Variants in SLC27A1 observed in about 807,000 individuals in gnomAD.
SLC27A1 encodes the protein solute carrier family 27 member 1.
Under a neutral mutation model 62.2 loss-of-function variants are expected in SLC27A1, and 61 were observed. That is an observed-to-expected ratio of 0.98 (90% CI 0.80 to 1.21). The LOEUF is 1.21. SLC27A1 is among the 50% of genes most tolerant of loss of function. SLC27A1 has a pLI of 0.00. For synonymous variants in SLC27A1, 435 were observed against 408.6 expected, an observed-to-expected ratio of 1.06 and a Z score of -0.78; for missense variants, 903 against 932.1, an observed-to-expected ratio of 0.97 and a Z score of 0.41.
chr19:17,483,621 C>T (rs1041728736), intron 1 of SLC27A1, among the ~76,000 whole-genome samples: 2 of 152,052 alleles, frequency 1.3e-5, no homozygotes, highest in Admixed American at 6.6e-5. Context: ...TGCGGATGCT[C>T]TCCCCCAACA....
intron 1 of SLC27A1, 60 bp downstream of exon 1, chr19:17,470,767 C>T: frequency 3.3e-6 from 4 of 1,208,246 alleles, no homozygotes; most frequent in Non-Finnish European, 3.1e-6. Context: ...TGGGGGCGCA[C>T]GGTGCAGGGC....
chr19:17,487,304 C>T lies in SLC27A1; in HGVS notation c.693C>T (p.Pro231=). The change falls in exon 3 of 12, where the codon CCC becomes CCT. Residue 231 remains proline (P), a synonymous_variant. Transcript: ENST00000252595. Reference sequence around the variant, plus strand: ...TGCTGAAGGAGGCCTCTACTGCCCCCTTGGCACAGATCCCCAGCAAGGGCA... The same window carrying T: ...TGCTGAAGGAGGCCTCTACTGCCCCTTTGGCACAGATCCCCAGCAAGGGCA... ...DPLLKEASTA[P]LAQIPSKGMD... 1 of 1,612,888 alleles carries T rather than the reference C, an allele frequency of 6.2e-7. No homozygotes were observed. The highest frequency in any genetic ancestry group is 8.5e-7 in the Non-Finnish European group (1 of 1,179,580).
chr19:17,504,729 G>A lies in SLC27A1; in HGVS notation c.*117G>A. 2 of 1,349,782 alleles carry A rather than the reference G, an allele frequency of 1.5e-6. No homozygotes were observed. The highest frequency in any genetic ancestry group is 2.1e-6 in the Non-Finnish European group (2 of 969,510). 83.6% of individuals were successfully genotyped at this position (1,349,782 alleles called of 1,614,324 possible). The stretch of plus-strand genomic sequence containing the variant: ...CACCCACCTGGCCGAGCTGTACCTG[G>A]CACGGCCCATCCTGGACTGAGAAAC... On this transcript the variant is annotated 3_prime_UTR_variant, in exon 12 of 12. Transcript: ENST00000252595.
rs1277141635 is a variant in SLC27A1 at position 17,500,270 on chromosome 19, C to T, written c.1207-8C>T. 6.2e-7 allele frequency: 1 copy of T among 1,613,144 alleles called. No individual in the cohort carries two copies. Among genetic ancestry groups the T allele is most frequent in the Non-Finnish European group, 8.5e-7 (1 of 1,179,550 alleles). ...CGGCTCCTTCCAACTCAGTTCACCC[C>T]ATTCCAGGTCGGCTCCTGTGGTTTC... On this transcript the variant is annotated splice_polypyrimidine_tract_variant and splice_region_variant and intron_variant, in intron 7 of 11. Coordinates refer to ENST00000252595, the MANE Select transcript of SLC27A1 (RefSeq NM_198580.3).
intron 6 of SLC27A1, 136 bp from the exon 7 acceptor site, chr19:17,497,119 G>T: frequency 1.6e-6 from 1 of 622,962 alleles, no homozygotes; most frequent in Non-Finnish European, 2.7e-6. Flanking sequence ...GGACGATTCT[G>T]CAGCCATCAT....
At chr19:17,493,327 C>T (rs2075314403) in intron 6 of SLC27A1, among the ~76,000 whole-genome samples, 1 of 143,010 alleles carries the variant, frequency 7.0e-6, no homozygotes, top group Non-Finnish European at 1.5e-5. Flanking sequence ...ACCCGGGAGG[C>T]TGAGGCAGGA....
At chr19:17,474,838 C>T (rs1003635565) in intron 1 of SLC27A1, among the ~76,000 whole-genome samples, 1 of 151,884 alleles carries the variant, frequency 6.6e-6, no homozygotes, top group Non-Finnish European at 1.5e-5. Context: ...CCATGTTGGC[C>T]AGGCTGGTCT....
chr19:17,472,758 A>G (rs1291666660), intron 1 of SLC27A1, among the ~76,000 whole-genome samples: 1 of 151,998 alleles, frequency 6.6e-6, no homozygotes, highest in African/African-American at 2.4e-5. Flanking sequence ...AACTCCTGAC[A>G]TCACGTAGTC....
chr19:17,489,021 C>T lies in SLC27A1; in HGVS notation c.900C>T (p.Gly300=), dbSNP rs2075267344. Residue 300 remains glycine (G), a synonymous_variant, in exon 6 of 12, where the codon GGC becomes GGT. Transcript: ENST00000252595. ...CACCCTCTGCAGGAAACATCATCGGCGTGGGGCAGTGTCTCATCTATGGGC... is the reference window on the plus strand; with the variant it reads ...CACCCTCTGCAGGAAACATCATCGGTGTGGGGCAGTGTCTCATCTATGGGC... The part of the protein sequence containing the change: ...PLYHSAGNII[G]VGQCLIYGLT... The T allele has an allele frequency of 1.2e-6, 2 of 1,614,118 alleles. No individual in the cohort carries two copies. Among genetic ancestry groups the T allele is most frequent in the Non-Finnish European group, 8.5e-7 (1 of 1,180,004 alleles).
chr19:17,501,432 C>T lies in SLC27A1; in HGVS notation c.1783+13C>T, dbSNP rs1173167516. ...GTGGACACCACAGGTGCGAGTCTCC[C>T]CCACTCCAATCTCTCTCTTCATCCA... On this transcript the variant is annotated intron_variant, in intron 11 of 11. Transcript: ENST00000252595. 1 of 1,608,026 alleles carries T rather than the reference C, an allele frequency of 6.2e-7. No homozygotes were observed. Among genetic ancestry groups the T allele is most frequent in the Non-Finnish European group, 8.5e-7 (1 of 1,177,138 alleles).
intron 11 of SLC27A1, among the ~76,000 whole-genome samples, chr19:17,501,782 G>A (rs531437047): frequency 4.8e-4 from 56 of 116,094 alleles, no homozygotes; most frequent in African/African-American, 1.8e-3. Context: ...CAGCCTGGGC[G>A]ATAGAGTGAT....
intron 1 of SLC27A1, among the ~76,000 whole-genome samples, chr19:17,479,036 G>A (rs113491555): frequency 1.1e-4 from 17 of 152,174 alleles, no homozygotes; most frequent in East Asian, 9.6e-4. Context: ...GTTTGAGGCC[G>A]TAGTGAGTTA....
chr19:17,493,345 T>G (rs1450849648), intron 6 of SLC27A1, among the ~76,000 whole-genome samples: 3 of 138,430 alleles, frequency 2.2e-5, no homozygotes, highest in Non-Finnish European at 4.7e-5. Context: ...GGAGAATCGT[T>G]TGAACCCGGG....
Position 17,504,912 on chromosome 19 carries a change from AG to A in SLC27A1, c.*301del. 1.9e-6 allele frequency: 1 copy of A among 529,330 alleles called. No individual in the cohort carries two copies. Among genetic ancestry groups the A allele is most frequent in the Non-Finnish European group, 3.6e-6 (1 of 276,016 alleles). 32.8% of individuals were successfully genotyped at this position (529,330 alleles called of 1,614,324 possible). A position where few individuals can be genotyped will look rare whatever the true frequency, so the allele number is the denominator to read the frequency against. ...TCTTTCTTTCTTTCTTTTTTTTTTA[AG>A]ATAGAGTCTCACTCTGCTGCCCGGG... On this transcript the variant is annotated 3_prime_UTR_variant, in exon 12 of 12. Transcript: ENST00000252595.
rs186235023 is a variant in SLC27A1, at chr19:17,502,684, T to G, written c.1783+1265T>G. ...GTATCTTTTCTTTTTCTTTTGTTTTTTTTGTTTGTTTGTTTGTTTGAGACA... is the reference window on the plus strand; with the variant it reads ...GTATCTTTTCTTTTTCTTTTGTTTTGTTTGTTTGTTTGTTTGTTTGAGACA... On this transcript the variant is annotated intron_variant, in intron 11 of 11. Transcript: ENST00000252595. 2.0e-4 allele frequency among the ~76,000 whole-genome samples: 31 copies of G among 151,894 alleles called. 1 individual carries two copies. In the East Asian group the frequency reaches 2.5e-3, roughly 12 times the overall value.
At chr19:17,485,498 CTTGTTTGTTTGTTTGT>C (rs148197572) in intron 1 of SLC27A1, among the ~76,000 whole-genome samples, 4 of 149,786 alleles carry the variant, frequency 2.7e-5, no homozygotes, top group East Asian at 2.0e-4. Context: ...TAAAGCATTT[CTTGTTTGTTTGTTTGT>C]TTGTTTGTTT....
At chr19:17,482,019 T>G (rs2075183340) in intron 1 of SLC27A1, among the ~76,000 whole-genome samples, 1 of 152,088 alleles carries the variant, frequency 6.6e-6, no homozygotes, top group Non-Finnish European at 1.5e-5. Flanking sequence ...TGGAACCTGA[T>G]CTGAGAGTCC....
chr19:17,495,953 A>C (rs1272982452), intron 6 of SLC27A1: 1 of 152,480 alleles, frequency 6.6e-6, no homozygotes, highest in South Asian at 2.1e-4. Flanking sequence ...AGGCAAATGC[A>C]TCTGGGGGAA....
chr19:17,498,785 A>G (rs778624429), intron 7 of SLC27A1: 30 of 159,274 alleles, frequency 1.9e-4, no homozygotes, highest in Non-Finnish European at 3.8e-4. Context: ...ATGATAGGTA[A>G]GGTCACGTGG....
Sources: gnomAD v4.1 joint callset for allele counts (sites outside exome capture counted in the v4.1 genomes callset) on GRCh38, gnomAD v4.1.1 for gene constraint, MANE v1.5 for transcripts, NCBI Gene and HGNC (gene_info 2026-07-23, HGNC 2026-07-21) for gene names.